The following TUBG1 variants were observed in gnomAD, a reference collection of about 807,000 sequenced individuals.
The protein encoded by TUBG1 is tubulin gamma-1 chain.
TUBG1 carries 22 observed loss-of-function variants against 53.3 expected under a neutral mutation model. The observed-to-expected ratio is 0.41, with a 90% CI of 0.29 to 0.59. TUBG1 has a LOEUF of 0.59. Ranked by LOEUF, TUBG1 falls within the 20% of genes least tolerant of loss-of-function variation. The pLI is 0.26. For missense variants in TUBG1, 217 were observed against 598.9 expected (o/e 0.36, Z 6.66); for synonymous variants, 198 against 236.7 (o/e 0.84, Z 1.50).
chr17:42,613,218 G>T, intron 6 of TUBG1, 145 bp downstream of exon 6: 1 of 1,336,138 alleles, frequency 7.5e-7, no homozygotes. Flanking sequence ...GGGAGGCCAA[G>T]GTCGTTGGAT....
At position 42,609,804 on chromosome 17, in the gene TUBG1, C is replaced by T; in HGVS notation, c.49+18C>T. 1 of 1,550,648 alleles carries T rather than the reference C, an allele frequency of 6.4e-7. No individual in the cohort carries two copies. Among genetic ancestry groups the T allele is most frequent in the Non-Finnish European group, 8.7e-7 (1 of 1,146,478 alleles). On this transcript the variant is annotated intron_variant, in intron 1 of 10. Coordinates refer to ENST00000251413, the MANE Select transcript of TUBG1 (RefSeq NM_001070.5). Reference sequence around the variant, plus strand: ...CAATCAGAGTGAGCGAAACTCCGGCCCCTCAGCTAGCCAGGTTCCTTAGGG... The same window carrying T: ...CAATCAGAGTGAGCGAAACTCCGGCTCCTCAGCTAGCCAGGTTCCTTAGGG...
intron 6 of TUBG1, 80 bp from the exon 7 acceptor site, chr17:42,613,567 T>C: frequency 6.2e-7 from 1 of 1,606,022 alleles, no homozygotes; most frequent in Non-Finnish European, 8.5e-7. Flanking sequence ...CAAAGGAAAT[T>C]AAGCTTCAGA....
intron 4 of TUBG1, 85 bp downstream of exon 4, chr17:42,612,228 C>T: frequency 7.0e-7 from 1 of 1,434,376 alleles, no homozygotes; most frequent in Non-Finnish European, 9.8e-7. Flanking sequence ...GGAACAAGAC[C>T]CACTCATGTA....
At position 42,609,791 on chromosome 17, in the gene TUBG1, G is replaced by A. The variant is rs376599275; in HGVS notation, c.49+5G>A. On this transcript the variant is annotated splice_donor_5th_base_variant and intron_variant, in intron 1 of 10. Coordinates refer to ENST00000251413, the MANE Select transcript of TUBG1 (RefSeq NM_001070.5). ...TGGGCCAGTGCGGCAATCAGAGTGAGCGAAACTCCGGCCCCTCAGCTAGCC... is the reference window on the plus strand; with the variant it reads ...TGGGCCAGTGCGGCAATCAGAGTGAACGAAACTCCGGCCCCTCAGCTAGCC... 4 of 1,551,338 alleles carry A rather than the reference G, an allele frequency of 2.6e-6. No homozygotes were observed. The highest frequency in any genetic ancestry group is 3.5e-6 in the Non-Finnish European group (4 of 1,146,842).
Position 42,613,935 on chromosome 17 carries a change from C to T in TUBG1, c.780C>T (p.Leu260=). ...NNDLIGLIAS[L]IPTPRLHFLM... ...ACCTCATCGGCCTCATCGCCTCGCT[C>T]ATTCCCACCCCACGGCTCCACTTCC... is the stretch of plus-strand genomic sequence containing the variant. Residue 260 remains leucine (L), a synonymous_variant, in exon 8 of 11, where the codon CTC becomes CTT. Transcript: ENST00000251413. 1.2e-6 allele frequency: 2 copies of T among 1,614,210 alleles called. No homozygotes were observed. The highest frequency in any genetic ancestry group is 1.7e-6 in the Non-Finnish European group (2 of 1,180,038).
chr17:42,613,572 T>C (rs577575301), intron 6 of TUBG1, 75 bp from the exon 7 acceptor site: 99 of 1,609,180 alleles, frequency 6.2e-5, no homozygotes, highest in Non-Finnish European at 8.1e-5. Context: ...GAAATTAAGC[T>C]TCAGAGCCTA....
intron 6 of TUBG1, 24 bp downstream of exon 6, chr17:42,613,097 C>T (rs1484604924): frequency 4.3e-6 from 7 of 1,612,402 alleles, no homozygotes; most frequent in South Asian, 1.1e-5. Flanking sequence ...TCTACCTCTC[C>T]CAACTCTCAA....
At position 42,614,628 on chromosome 17, in the gene TUBG1, A is replaced by C; in HGVS notation, c.1129A>C (p.Met377Leu). 6.2e-7 allele frequency: 1 copy of C among 1,614,028 alleles called. No homozygotes were observed. Among genetic ancestry groups the C allele is most frequent in the Non-Finnish European group, 8.5e-7 (1 of 1,179,912 alleles). Residue 377 changes from methionine (M) to leucine (L), a missense_variant, in exon 10 of 11, where the codon ATG becomes CTG. Met to Leu is a conservative substitution (Grantham distance 15, BLOSUM62 2). Transcript: ENST00000251413. This position sits in a 1 kb window ranked among gnomAD's most constrained non-coding sequence, Gnocchi z 5.1. Reference sequence around the variant, plus strand: ...CTCGGCCCACCGGGTCAGCGGGCTCATGATGGCCAACCACACCAGCATCTC... The same window carrying C: ...CTCGGCCCACCGGGTCAGCGGGCTCCTGATGGCCAACCACACCAGCATCTC... The part of the protein sequence containing the change: ...LPSAHRVSGL[M>L]MANHTSISSL...
chr17:42,612,315 G>T, intron 4 of TUBG1, 112 bp from the exon 5 acceptor site: 1 of 1,360,630 alleles, frequency 7.3e-7, no homozygotes, highest in Non-Finnish European at 1.0e-6. Flanking sequence ...TGAGGGGACT[G>T]GATGGGAAGC....
In TUBG1 at chr17:42,615,108, C is replaced by G. The variant is rs376815535; in HGVS notation, c.*67C>G. 1.1e-5 allele frequency: 17 copies of G among 1,526,700 alleles called. No individual in the cohort carries two copies. The South Asian group carries it at 1.6e-4, about 14-fold the overall frequency. The allele number at this position is 1,526,700 out of a possible 1,614,324, so 94.6% of individuals were successfully genotyped here. ...CCAAGCCCTGCCTGACTGACCACCCCCTCAGAGCACAGATCAGGGACCTCA... is the reference window on the plus strand; with the variant it reads ...CCAAGCCCTGCCTGACTGACCACCCGCTCAGAGCACAGATCAGGGACCTCA... On this transcript the variant is annotated 3_prime_UTR_variant, in exon 11 of 11. Transcript: ENST00000251413.
At chr17:42,610,011 T>G in intron 1 of TUBG1, 97 bp from the exon 2 acceptor site, 2 of 1,455,250 alleles carry the variant, frequency 1.4e-6, no homozygotes, top group Non-Finnish European at 1.9e-6. Flanking sequence ...GCTTGACTTC[T>G]TATCCCTGGA....
rs184999246 is a variant in TUBG1, at chr17:42,612,324, G to C, written c.400-103G>C. 11 of 1,413,384 alleles carry C rather than the reference G, an allele frequency of 7.8e-6. No individual in the cohort carries two copies. The Admixed American group carries it at 1.8e-4, about 23-fold the overall frequency. 87.6% of individuals were successfully genotyped at this position (1,413,384 alleles called of 1,614,324 possible). ...TATAAGTGAGGGGACTGGATGGGAA[G>C]CAAGGGCTCGGGAAAATGGGAGTCC... On this transcript the variant is annotated intron_variant, in intron 4 of 10. Transcript: ENST00000251413.
chr17:42,612,069 G>T lies in TUBG1; in HGVS notation c.331-6G>T, dbSNP rs1203295079. On this transcript the variant is annotated splice_region_variant and splice_polypyrimidine_tract_variant and intron_variant, in intron 3 of 10. Coordinates refer to ENST00000251413, the MANE Select transcript of TUBG1 (RefSeq NM_001070.5). ...CCCACTCTGACCCTCCCCTATGTCT[G>T]TACAGGGAGAAAAGATCCATGAGGA... 1 of 1,613,938 alleles carries T rather than the reference G, an allele frequency of 6.2e-7. No individual in the cohort carries two copies. The highest frequency in any genetic ancestry group is 1.1e-5 in the South Asian group (1 of 91,076).
Position 42,614,084 on chromosome 17 carries a change from CAGG to C in TUBG1, c.843+89_843+91del, listed in dbSNP as rs2052057247. On this transcript the variant is annotated intron_variant, in intron 8 of 10. Coordinates refer to ENST00000251413, the MANE Select transcript of TUBG1 (RefSeq NM_001070.5). The surrounding 1 kb of genome is among the most constrained non-coding windows in gnomAD (Gnocchi z 5.1). ...AGCCTTTCTCTCTTCCCCACTGCCC[CAGG>C]AGCTACCCTTTGTGGACCCCAAGGC... The C allele has an allele frequency of 1.2e-6, 2 of 1,600,332 alleles. No individual in the cohort carries two copies. The highest frequency in any genetic ancestry group is 2.2e-5 in the South Asian group (2 of 89,106).
chr17:42,612,248 C>G (rs766322533), intron 4 of TUBG1, 105 bp downstream of exon 4: 7 of 1,358,886 alleles, frequency 5.2e-6, no homozygotes, highest in Admixed American at 1.7e-5. Flanking sequence ...ACCCTTTGCA[C>G]TGGACAGAAG....
Position 42,613,676 on chromosome 17 carries a change from G to T in TUBG1, c.636G>T (p.Arg212=), listed in dbSNP as rs762565702. 3 of 1,613,958 alleles carry T rather than the reference G, an allele frequency of 1.9e-6. No individual in the cohort carries two copies. The highest frequency in any genetic ancestry group is 2.7e-5 in the African/African-American group (2 of 74,876). ...VVVLDNTALN[R]IATDRLHIQN... ...TGCTGGACAACACAGCCCTGAACCG[G>T]ATTGCCACAGACCGCCTGCACATCC... The change falls in exon 7 of 11, where the codon CGG becomes CGT. Residue 212 remains arginine (R), a synonymous_variant. Transcript: ENST00000251413.
chr17:42,614,085 A>G lies in TUBG1; in HGVS notation c.843+87A>G. 1 of 1,600,414 alleles carries G rather than the reference A, an allele frequency of 6.2e-7. No individual in the cohort carries two copies. Among genetic ancestry groups the G allele is most frequent in the Non-Finnish European group, 8.5e-7 (1 of 1,172,694 alleles). On this transcript the variant is annotated intron_variant, in intron 8 of 10. Coordinates refer to ENST00000251413, the MANE Select transcript of TUBG1 (RefSeq NM_001070.5). The surrounding 1 kb of genome is among the most constrained non-coding windows in gnomAD (Gnocchi z 5.1). ...GCCTTTCTCTCTTCCCCACTGCCCC[A>G]GGAGCTACCCTTTGTGGACCCCAAG...
At position 42,614,702 on chromosome 17, in the gene TUBG1, G is replaced by A; in HGVS notation, c.1158+45G>A. The A allele has an allele frequency of 6.2e-7, 1 of 1,611,002 alleles. No homozygotes were observed. The highest frequency in any genetic ancestry group is 8.5e-7 in the Non-Finnish European group (1 of 1,177,894). On this transcript the variant is annotated intron_variant, in intron 10 of 10. Coordinates refer to ENST00000251413, the MANE Select transcript of TUBG1 (RefSeq NM_001070.5). This position sits in a 1 kb window ranked among gnomAD's most constrained non-coding sequence, Gnocchi z 5.1. ...CCTTTTTTCCCTGAATCAGTTTCCT[G>A]ACTATACCTCACCTCTCTGCATCTG...
At position 42,610,524 on chromosome 17, in the gene TUBG1, A is replaced by G. The variant is rs1195737558; in HGVS notation, c.264A>G (p.Pro88=). ...CCCCCTATGCCAAGCTCTACAACCC[A>G]GAGAACATCTACCTGTCGGAACATG... ...LNSPYAKLYN[P]ENIYLSEHGG... The change falls in exon 3 of 11, where the codon CCA becomes CCG. Residue 88 remains proline, a synonymous_variant. Transcript: ENST00000251413. The G allele has an allele frequency of 5.6e-6, 9 of 1,613,752 alleles. No individual in the cohort carries two copies. The highest frequency in any genetic ancestry group is 2.2e-5 in the East Asian group (1 of 44,882).
Sources: allele counts gnomAD v4.1 joint callset, GRCh38; gene constraint gnomAD v4.1.1; non-coding constraint Gnocchi (gnomAD v3.1); transcripts MANE v1.5; gene names NCBI Gene and HGNC (gene_info 2026-07-23, HGNC 2026-07-21).